Variants in ZNF91 observed in about 807,000 individuals in gnomAD.
ZNF91 encodes zinc finger protein 91 (HPF7, HTF10).
Under a neutral mutation model 12.6 loss-of-function variants are expected in ZNF91, and 7 were observed. The observed-to-expected ratio is 0.55, with a 90% CI of 0.31 to 1.04. The LOEUF is 1.04. Among genes scored for constraint, ZNF91 ranks in the 50% least tolerant of loss-of-function variants. The pLI is 0.05. For synonymous variants in ZNF91, 453 were observed against 462.6 expected, an observed-to-expected ratio of 0.98 and a Z score of 0.27; for missense variants, 1,217 against 1,385.4, an observed-to-expected ratio of 0.88 and a Z score of 1.93.
chr19:23,315,852 C>A (rs945279635), intron 1 of ZNF91, among the ~76,000 whole-genome samples: 10 of 152,078 alleles, frequency 6.6e-5, no homozygotes, highest in African/African-American at 2.4e-4. Context: ...ATTTTTGTAC[C>A]CAGAACCTAA....
intron 1 of ZNF91, chr19:23,328,089 A>G (rs985756451): frequency 5.9e-5 from 9 of 151,982 alleles, no homozygotes; most frequent in African/African-American, 1.9e-4. Flanking sequence ...TATTTAGTCC[A>G]TAAATATCCA....
At chr19:23,370,137 C>A (rs567831355) in intron 3 of ZNF91, among the ~76,000 whole-genome samples, 7 of 151,446 alleles carry the variant, frequency 4.6e-5, no homozygotes, top group Admixed American at 4.6e-4. Context: ...TCAAATACAG[C>A]AATTCCATTT....
In ZNF91 at chr19:23,340,679, T is replaced by C. The variant is rs536952832; in HGVS notation, c.254-1625A>G. Among the ~76,000 whole-genome samples, 53 of 151,880 alleles carry C rather than the reference T, an allele frequency of 3.5e-4. No homozygotes were observed. In the South Asian group the frequency reaches 0.011, roughly 30 times the overall value. On this transcript the variant is annotated intron_variant, in intron 3 of 3. Coordinates refer to the ZNF91 transcript ENST00000599743. Reference sequence around the variant, plus strand: ...TCTTCCTAAGTCACTCAGAGGTCAGTATCACCCTGATACCAAAACTAGCCA... The same window carrying C: ...TCTTCCTAAGTCACTCAGAGGTCAGCATCACCCTGATACCAAAACTAGCCA...
At chr19:23,322,407 T>C (rs1967716314) in intron 1 of ZNF91, among the ~76,000 whole-genome samples, 1 of 152,206 alleles carries the variant, frequency 6.6e-6, no homozygotes, top group Non-Finnish European at 1.5e-5. Context: ...TACTTTCTCC[T>C]AGGCACTGCA....
intron 1 of ZNF91, among the ~76,000 whole-genome samples, chr19:23,329,923 CTTCTACCTTA>C (rs1470671860): frequency 6.6e-6 from 1 of 152,214 alleles, no homozygotes; most frequent in Admixed American, 6.5e-5. Context: ...GAGTGACCAT[CTTCTACCTTA>C]AGATTTCTGC....
intron 1 of ZNF91, among the ~76,000 whole-genome samples, chr19:23,393,931 C>A (rs1269659628): frequency 6.6e-6 from 1 of 152,032 alleles, no homozygotes; most frequent in South Asian, 2.1e-4. Context: ...GCCCAGTAGG[C>A]GGAGGTTGTA....
chr19:23,345,382 C>A (rs1014969712), intron 3 of ZNF91, among the ~76,000 whole-genome samples: 1 of 152,142 alleles, frequency 6.6e-6, no homozygotes, highest in Non-Finnish European at 1.5e-5. Context: ...GGCCACAATA[C>A]GAATTGGATA....
intron 1 of ZNF91, among the ~76,000 whole-genome samples, chr19:23,385,667 T>C (rs1210974896): frequency 6.6e-6 from 1 of 152,148 alleles, no homozygotes; most frequent in Non-Finnish European, 1.5e-5. Flanking sequence ...CACTCCAACA[T>C]TTTCTGAGCA....
chr19:23,347,512 C>G (rs1968260506), intron 3 of ZNF91, among the ~76,000 whole-genome samples: 1 of 152,116 alleles, frequency 6.6e-6, no homozygotes, highest in Admixed American at 6.5e-5. Context: ...TCGTTCTCTC[C>G]TCTTTACTCT....
chr19:23,306,960 T>G (rs1220690705), intron 3 of ZNF91: 1 of 152,118 alleles, frequency 6.6e-6, no homozygotes, highest in South Asian at 2.1e-4. Flanking sequence ...CCAGCCAATT[T>G]TTGTATTTTT....
At chr19:23,333,783 C>T (rs975431356), downstream of ZNF91, among the ~76,000 whole-genome samples, 1 of 152,128 alleles carries the variant, frequency 6.6e-6, no homozygotes, top group Non-Finnish European at 1.5e-5. Context: ...TTATTATTAT[C>T]ATTGTTATAT....
intron 1 of ZNF91, among the ~76,000 whole-genome samples, chr19:23,331,793 A>G (rs1474731659): frequency 6.6e-6 from 1 of 152,138 alleles, no homozygotes; most frequent in East Asian, 1.9e-4. Context: ...GTATTGGAGA[A>G]GTGGAGTGGT....
At chr19:23,369,888 G>A (rs1376727884) in intron 3 of ZNF91, among the ~76,000 whole-genome samples, 10 of 150,200 alleles carry the variant, frequency 6.7e-5, no homozygotes, top group Non-Finnish European at 1.5e-4. Flanking sequence ...AGGGTCCTCT[G>A]CCTAGGAAAA....
intron 3 of ZNF91, among the ~76,000 whole-genome samples, chr19:23,350,596 C>T (rs1474139346): frequency 6.6e-6 from 1 of 152,050 alleles, no homozygotes; most frequent in Non-Finnish European, 1.5e-5. Flanking sequence ...TTTTCTATAA[C>T]CAAATAGACA....
intron 1 of ZNF91, among the ~76,000 whole-genome samples, chr19:23,322,806 TCCC>T (rs1207940815): frequency 1.7e-5 from 1 of 58,828 alleles, no homozygotes; most frequent in Non-Finnish European, 3.2e-5. Flanking sequence ...CCTCCATTTC[TCCC>T]CCACCTCCTC....
intron 3 of ZNF91, among the ~76,000 whole-genome samples, chr19:23,370,666 A>G (rs1328581623): frequency 6.6e-6 from 1 of 151,962 alleles, no homozygotes; most frequent in Non-Finnish European, 1.5e-5. Flanking sequence ...ATGCCTGGAT[A>G]TTTCTTACAT....
In ZNF91 at chr19:23,358,289, TTAAGAA is replaced by T. The variant is rs1423582525; in HGVS notation, c.*1108_*1113del. On this transcript the variant is annotated 3_prime_UTR_variant, in exon 4 of 4. Transcript: ENST00000300619. Reference sequence around the variant, plus strand: ...AAATCATACTAAACTTTAACTAAAATTAAGAATGTTTTTCTTTCATAATAATGCAGA... The same window carrying T: ...AAATCATACTAAACTTTAACTAAAATTGTTTTTCTTTCATAATAATGCAGA... 13 of 152,320 alleles carry T rather than the reference TTAAGAA, an allele frequency of 8.5e-5. No individual in the cohort carries two copies. The highest frequency in any genetic ancestry group is 2.6e-4 in the African/African-American group (11 of 41,578). 9.4% of individuals were successfully genotyped at this position (152,320 alleles called of 1,614,324 possible). A position where few individuals can be genotyped will look rare whatever the true frequency, so the allele number is the denominator to read the frequency against.
chr19:23,324,039 CCCT>C (rs1967785794), intron 1 of ZNF91: 2 of 145,902 alleles, frequency 1.4e-5, no homozygotes, highest in Admixed American at 6.9e-5. Context: ...CTTCCTTGTC[CCCT>C]CCTCCTCCTT....
rs780367041 is a variant in ZNF91, at chr19:23,359,527, T to C, written c.3452A>G (p.Asn1151Ser). 5.0e-6 allele frequency: 8 copies of C among 1,613,876 alleles called. No individual in the cohort carries two copies. Among genetic ancestry groups the C allele is most frequent in the Non-Finnish European group, 6.8e-6 (8 of 1,179,888 alleles). Reference protein sequence around the residue: ...KAFNQSSILTNHKKIHTITPV... With the variant: ...KAFNQSSILTSHKKIHTITPV... The stretch of plus-strand genomic sequence containing the variant: ...TGTGATAGTATGAATTTTCTTATGG[T>C]TAGTAAGGATTGAAGACTGGTTAAA... The change falls in exon 4 of 4, where the codon AAC (asparagine) becomes AGC (serine). Residue 1151 changes from asparagine to serine, a missense_variant. Physicochemically the swap from Asn to Ser is conservative, Grantham distance 46 (BLOSUM62 1). Around this residue, in one of 2 missense-constraint regions of ZNF91, gnomAD observed 491 missense variants for 489.8 expected, o/e 1.00. Transcript: ENST00000300619.
Sources: allele counts gnomAD v4.1 joint callset (sites outside exome capture counted in the v4.1 genomes callset), GRCh38; gene constraint gnomAD v4.1.1; regional missense constraint gnomAD v4.1.1; transcripts MANE v1.5; gene names NCBI Gene and HGNC (gene_info 2026-07-23, HGNC 2026-07-21).